The following ATP8A2 variants were observed in gnomAD, a reference collection of about 807,000 sequenced individuals.
ATP8A2 encodes ATPase phospholipid transporting 8A2.
ATP8A2 carries 100 observed loss-of-function variants against 165.6 expected under a neutral mutation model. The observed-to-expected ratio is 0.60, with a 90% CI of 0.51 to 0.71. ATP8A2 has a LOEUF of 0.71. Among genes scored for constraint, ATP8A2 ranks in the 30% least tolerant of loss-of-function variants. The probability of loss-of-function intolerance (pLI) is 0.00; values close to 1 mark genes in which losing one functional copy is unlikely to be tolerated. For synonymous variants in ATP8A2, 543 were observed against 548.8 expected, an observed-to-expected ratio of 0.99 and a Z score of 0.15; for missense variants, 1,227 against 1,479.5, an observed-to-expected ratio of 0.83 and a Z score of 2.80.
chr13:25,641,835 G>A (rs979675679), intron 24 of ATP8A2, among the ~76,000 whole-genome samples: 6 of 69,868 alleles, frequency 8.6e-5, no homozygotes, highest in Non-Finnish European at 1.7e-4. Context: ...GAGGCGTCAC[G>A]CTACCTGACT....
chr13:25,435,518 C>T (rs1406380469), intron 1 of ATP8A2, among the ~76,000 whole-genome samples: 4 of 152,134 alleles, frequency 2.6e-5, no homozygotes, highest in African/African-American at 4.8e-5. Context: ...ACATAATCTT[C>T]GTAGGTTCTT....
intron 24 of ATP8A2, among the ~76,000 whole-genome samples, chr13:25,609,803 A>G (rs1383617968): frequency 7.6e-5 from 11 of 144,246 alleles, no homozygotes; most frequent in African/African-American, 2.6e-4. Context: ...TTTTTTTATT[A>G]TGGCCATTCT....
At chr13:25,887,233 G>T (rs1048484095) in intron 33 of ATP8A2, among the ~76,000 whole-genome samples, 2 of 152,138 alleles carry the variant, frequency 1.3e-5, no homozygotes, top group African/African-American at 2.4e-5. Context: ...CACTTGAGAT[G>T]CACACATGTG....
intron 36 of ATP8A2, among the ~76,000 whole-genome samples, chr13:26,016,510 C>T (rs771871837): frequency 6.6e-6 from 1 of 152,182 alleles, no homozygotes; most frequent in Non-Finnish European, 1.5e-5. Context: ...CCAGTAGACA[C>T]AGGCATGTTA....
intron 27 of ATP8A2, among the ~76,000 whole-genome samples, chr13:25,783,266 G>T (rs1698768960): frequency 6.6e-6 from 1 of 152,150 alleles, no homozygotes; most frequent in South Asian, 2.1e-4. Context: ...TACCTGGGTG[G>T]TCCCTATCTT....
At position 25,781,263 on chromosome 13, in the gene ATP8A2, C is replaced by G. The variant is rs192142559; in HGVS notation, c.2679+6304C>G. 5.3e-5 allele frequency among the ~76,000 whole-genome samples: 8 copies of G among 151,410 alleles called. No individual in the cohort carries two copies. In the South Asian group the frequency reaches 1.7e-3, roughly 32 times the overall value. Reference sequence around the variant, plus strand: ...CAGCCTGGGTGACAGAGTGAGACTGCGTCTCAAAAAAAAAAGTGAAATGAA... The same window carrying G: ...CAGCCTGGGTGACAGAGTGAGACTGGGTCTCAAAAAAAAAAGTGAAATGAA... On this transcript the variant is annotated intron_variant, in intron 27 of 36. Transcript: ENST00000381655.
intron 35 of ATP8A2, among the ~76,000 whole-genome samples, chr13:25,984,105 T>C (rs1026936335): frequency 6.6e-6 from 1 of 151,758 alleles, no homozygotes; most frequent in African/African-American, 2.4e-5. Context: ...GGTGTGGTGG[T>C]GCGTGCATGT....
At chr13:26,017,876 T>C (rs1348011952) in intron 36 of ATP8A2, among the ~76,000 whole-genome samples, 1 of 152,216 alleles carries the variant, frequency 6.6e-6, no homozygotes, top group East Asian at 1.9e-4. Context: ...CTCACAATGG[T>C]CTGGGAGCTG....
chr13:25,885,099 C>T (rs1055706800), intron 33 of ATP8A2, among the ~76,000 whole-genome samples: 1 of 148,954 alleles, frequency 6.7e-6, no homozygotes, highest in Admixed American at 6.8e-5. Flanking sequence ...CTCCTTTCTC[C>T]GCTTGCTTTT....
intron 25 of ATP8A2, among the ~76,000 whole-genome samples, chr13:25,766,706 C>T (rs557191664): frequency 6.6e-6 from 1 of 152,314 alleles, no homozygotes; most frequent in East Asian, 1.9e-4. Flanking sequence ...CTGTATTTCC[C>T]TCAAAAATTA....
At chr13:25,495,703 G>A (rs924256718) in intron 2 of ATP8A2, among the ~76,000 whole-genome samples, 5 of 148,718 alleles carry the variant, frequency 3.4e-5, no homozygotes, top group African/African-American at 1.2e-4. Flanking sequence ...CTGACTTCAG[G>A]AGATCCTCTT....
chr13:25,989,675 A>G (rs1169005253), intron 35 of ATP8A2, among the ~76,000 whole-genome samples: 1 of 151,624 alleles, frequency 6.6e-6, no homozygotes, highest in East Asian at 1.9e-4. Flanking sequence ...TCTCTCCTCT[A>G]TTTATTTTCA....
intron 24 of ATP8A2, among the ~76,000 whole-genome samples, chr13:25,606,538 A>G (rs1464432801): frequency 6.6e-6 from 1 of 152,196 alleles, no homozygotes; most frequent in Non-Finnish European, 1.5e-5. Context: ...TGAATGGTCT[A>G]GTTCTTCTAC....
At chr13:25,605,259 A>G (rs1025289539) in intron 24 of ATP8A2, among the ~76,000 whole-genome samples, 1 of 152,156 alleles carries the variant, frequency 6.6e-6, no homozygotes, top group African/African-American at 2.4e-5. Flanking sequence ...TTTATTTGGA[A>G]TGACTTCCAT....
chr13:25,513,694 T>C (rs2037358525), intron 2 of ATP8A2, among the ~76,000 whole-genome samples: 1 of 149,236 alleles, frequency 6.7e-6, no homozygotes, highest in Non-Finnish European at 1.5e-5. Flanking sequence ...CCAGACTCCG[T>C]CTGCAATCCC....
chr13:25,807,995 C>A (rs565359089), intron 27 of ATP8A2, among the ~76,000 whole-genome samples: 5 of 152,234 alleles, frequency 3.3e-5, no homozygotes, highest in African/African-American at 1.2e-4. Context: ...TAGTCTGTCT[C>A]TTAAGACACT....
chr13:25,797,994 A>G (rs773561815), intron 27 of ATP8A2, among the ~76,000 whole-genome samples: 5 of 152,214 alleles, frequency 3.3e-5, no homozygotes, highest in Admixed American at 6.5e-5. Flanking sequence ...TTAATTTACA[A>G]AAGTTTGATC....
At chr13:25,593,124 AG>A (rs1320512972) in intron 24 of ATP8A2, among the ~76,000 whole-genome samples, 6 of 152,096 alleles carry the variant, frequency 3.9e-5, no homozygotes, top group African/African-American at 7.2e-5. Flanking sequence ...GGTGGTGGGG[AG>A]GGGGATAAAA....
intron 34 of ATP8A2, among the ~76,000 whole-genome samples, chr13:25,967,784 G>A (rs1235915088): frequency 1.3e-5 from 2 of 152,030 alleles, no homozygotes; most frequent in Non-Finnish European, 2.9e-5. Context: ...GCTTAGTTTA[G>A]TTTTCATTTT....
Sources: gnomAD v4.1 joint callset for allele counts (sites outside exome capture counted in the v4.1 genomes callset) on GRCh38, gnomAD v4.1.1 for gene constraint, MANE v1.5 for transcripts, NCBI Gene and HGNC (gene_info 2026-07-23, HGNC 2026-07-21) for gene names.